Variants in CTNNBL1 observed in about 807,000 individuals in gnomAD.
The protein encoded by CTNNBL1 is catenin beta like 1.
CTNNBL1 carries 31 observed loss-of-function variants against 72.7 expected under a neutral mutation model. The observed-to-expected ratio is 0.43, with a 90% CI of 0.32 to 0.58. The LOEUF is 0.58. Among genes scored for constraint, CTNNBL1 ranks in the 20% least tolerant of loss-of-function variants. The probability of loss-of-function intolerance (pLI) is 0.08; values close to 1 mark genes in which losing one functional copy is unlikely to be tolerated. For missense variants in CTNNBL1, 534 were observed against 725.1 expected, an observed-to-expected ratio of 0.74 and a Z score of 3.03; for synonymous variants, 240 against 267.3, an observed-to-expected ratio of 0.90 and a Z score of 1.00.
At chr20:37,756,563 ACT>A (rs1286974245) in intron 4 of CTNNBL1, among the ~76,000 whole-genome samples, 2 of 135,890 alleles carry the variant, frequency 1.5e-5, no homozygotes, top group African/African-American at 2.8e-5. Flanking sequence ...TCCAAATATA[ACT>A]CTTTCTCTCC....
chr20:37,742,424 G>A (rs2073225039), intron 3 of CTNNBL1, among the ~76,000 whole-genome samples: 1 of 152,216 alleles, frequency 6.6e-6, no homozygotes, highest in Middle Eastern at 3.2e-3. Flanking sequence ...ACTGGCTCAT[G>A]TTCTGATTTG....
chr20:37,825,280 G>A (rs1192493148), intron 11 of CTNNBL1, among the ~76,000 whole-genome samples: 1 of 152,176 alleles, frequency 6.6e-6, no homozygotes, highest in Non-Finnish European at 1.5e-5. Flanking sequence ...TTGAACCTGG[G>A]AGGTGGAAGT....
chr20:37,720,961 G>A (rs1769675748), intron 1 of CTNNBL1, among the ~76,000 whole-genome samples: 1 of 152,206 alleles, frequency 6.6e-6, no homozygotes, highest in South Asian at 2.1e-4. Context: ...AAGTTTTACT[G>A]GAGTATGTGG....
intron 4 of CTNNBL1, chr20:37,751,787 G>A (rs184789917): frequency 6.6e-6 from 1 of 152,300 alleles, no homozygotes; most frequent in East Asian, 1.9e-4. Context: ...GAGGGAGTTG[G>A]TATTTGCTCC....
intron 13 of CTNNBL1, among the ~76,000 whole-genome samples, chr20:37,852,663 C>G (rs1248034263): frequency 6.6e-6 from 1 of 152,198 alleles, no homozygotes; most frequent in Non-Finnish European, 1.5e-5. Context: ...AGGGGTGAGG[C>G]ACACTGCCAC....
chr20:37,780,214 T>C (rs2073614839), intron 10 of CTNNBL1, among the ~76,000 whole-genome samples: 1 of 151,886 alleles, frequency 6.6e-6, no homozygotes, highest in African/African-American at 2.4e-5. Flanking sequence ...AAACTTCAAG[T>C]ATACTGAAAG....
At chr20:37,837,723 C>A (rs182592596) in intron 11 of CTNNBL1, among the ~76,000 whole-genome samples, 227 of 152,296 alleles carry the variant, frequency 1.5e-3, no homozygotes, top group African/African-American at 5.2e-3. Context: ...CTGTTTGCCC[C>A]CATGCCCACC....
chr20:37,729,858 C>A (rs2073115209), intron 1 of CTNNBL1, among the ~76,000 whole-genome samples: 1 of 152,112 alleles, frequency 6.6e-6, no homozygotes, highest in Non-Finnish European at 1.5e-5. Flanking sequence ...TGGCATGTTG[C>A]TTTCCTTTTT....
At chr20:37,750,513 A>C (rs2073309404) in intron 4 of CTNNBL1, 2 of 152,224 alleles carry the variant, frequency 1.3e-5, no homozygotes, top group Non-Finnish European at 2.9e-5. Context: ...TGGAAAAATA[A>C]AACCAAAGGT....
At chr20:37,829,194 G>A (rs1568799942) in intron 11 of CTNNBL1, among the ~76,000 whole-genome samples, 1 of 152,188 alleles carries the variant, frequency 6.6e-6, no homozygotes, top group Non-Finnish European at 1.5e-5. Flanking sequence ...GAACACTGCT[G>A]TTTGATTTCC....
intron 1 of CTNNBL1, among the ~76,000 whole-genome samples, chr20:37,710,857 G>A (rs553866100): frequency 6.6e-6 from 1 of 152,154 alleles, no homozygotes; most frequent in Admixed American, 6.5e-5. Context: ...TTCTTCACCA[G>A]TTTATGCCTC....
intron 1 of CTNNBL1, among the ~76,000 whole-genome samples, chr20:37,731,888 C>A (rs2073132049): frequency 6.6e-6 from 1 of 152,162 alleles, no homozygotes; most frequent in Non-Finnish European, 1.5e-5. Flanking sequence ...GGGCAGATAT[C>A]TTCTCAGCAT....
chr20:37,842,643 G>A (rs970759529), intron 13 of CTNNBL1, among the ~76,000 whole-genome samples: 6 of 152,196 alleles, frequency 3.9e-5, no homozygotes, highest in Non-Finnish European at 7.3e-5. Flanking sequence ...GGTCTGACCT[G>A]GGAGTCTGGG....
At chr20:37,780,863 C>T (rs543641992) in intron 10 of CTNNBL1, among the ~76,000 whole-genome samples, 54 of 152,084 alleles carry the variant, frequency 3.6e-4, no homozygotes, top group African/African-American at 1.2e-3. Context: ...TCCTATATCC[C>T]GTTTTACTTA....
chr20:37,821,080 C>G lies in CTNNBL1; in HGVS notation c.1213+18032C>G, dbSNP rs564337418. 7.0e-4 allele frequency among the ~76,000 whole-genome samples: 106 copies of G among 152,330 alleles called. 1 individual carries two copies. In the South Asian group the frequency reaches 9.1e-3, roughly 13 times the overall value. On this transcript the variant is annotated intron_variant, in intron 11 of 15. Coordinates refer to ENST00000361383, the MANE Select transcript of CTNNBL1 (RefSeq NM_030877.5). Reference sequence around the variant, plus strand: ...CCCTCCTGGTGTTACTCTTTTCTCTCCTCCACATCTTGACATTGGATGCAT... The same window carrying G: ...CCCTCCTGGTGTTACTCTTTTCTCTGCTCCACATCTTGACATTGGATGCAT...
At chr20:37,710,537 A>T (rs1193937792) in intron 1 of CTNNBL1, among the ~76,000 whole-genome samples, 1 of 152,124 alleles carries the variant, frequency 6.6e-6, no homozygotes, top group Non-Finnish European at 1.5e-5. Flanking sequence ...TATATTTTCC[A>T]TGTTGCTTTT....
chr20:37,849,839 ACT>A (rs2072380116), intron 13 of CTNNBL1, among the ~76,000 whole-genome samples: 1 of 152,062 alleles, frequency 6.6e-6, no homozygotes, highest in Admixed American at 6.6e-5. Context: ...AGTTACTTAA[ACT>A]CTCTGCTTCA....
At chr20:37,708,703 A>G (rs1416728402) in intron 1 of CTNNBL1, among the ~76,000 whole-genome samples, 1 of 152,192 alleles carries the variant, frequency 6.6e-6, no homozygotes, top group Admixed American at 6.5e-5. Flanking sequence ...TCAGTGAAGG[A>G]TCTAGTGAGA....
intron 10 of CTNNBL1, among the ~76,000 whole-genome samples, chr20:37,800,364 T>C (rs1316928402): frequency 6.6e-6 from 1 of 152,172 alleles, no homozygotes; most frequent in African/African-American, 2.4e-5. Context: ...AGGCGTAACC[T>C]ACACTCACCC....
Sources: allele counts gnomAD v4.1 joint callset (sites outside exome capture counted in the v4.1 genomes callset), GRCh38; gene constraint gnomAD v4.1.1; transcripts MANE v1.5; gene names NCBI Gene and HGNC (gene_info 2026-07-23, HGNC 2026-07-21).